The following NECTIN1 variants were observed in gnomAD, a reference collection of about 807,000 sequenced individuals.
NECTIN1 encodes the protein nectin cell adhesion molecule 1, also known as nectin-1.
In NECTIN1, 23 loss-of-function variants were observed where a neutral mutation model predicts 48.0. The ratio of observed to expected loss-of-function variants is 0.48; its 90% CI spans 0.34 to 0.68. NECTIN1 has a LOEUF of 0.68. Among genes scored for constraint, NECTIN1 ranks in the 30% least tolerant of loss-of-function variants. The probability of loss-of-function intolerance (pLI) is 0.01; values close to 1 mark genes in which losing one functional copy is unlikely to be tolerated. For synonymous variants in NECTIN1, 270 were observed against 288.9 expected, an observed-to-expected ratio of 0.93 and a Z score of 0.66; for missense variants, 591 against 709.9, an observed-to-expected ratio of 0.83 and a Z score of 1.90.
intron 5 of NECTIN1, among the ~76,000 whole-genome samples, chr11:119,647,865 C>T (rs1343517761): frequency 6.6e-6 from 1 of 151,880 alleles, no homozygotes; most frequent in Non-Finnish European, 1.5e-5. Context: ...GAGTCTGAGA[C>T]CAGCCTGGCC....
intron 1 of NECTIN1, among the ~76,000 whole-genome samples, chr11:119,724,976 C>T (rs1434178044): frequency 6.6e-6 from 1 of 152,174 alleles, no homozygotes; most frequent in Non-Finnish European, 1.5e-5. Context: ...TGACACCTCT[C>T]TGTCTGTCCC....
In NECTIN1 at chr11:119,729,052, C is replaced by A; in HGVS notation, c.-499G>T. 1 of 150,192 alleles carries A rather than the reference C, an allele frequency of 6.7e-6. No individual in the cohort carries two copies. The highest frequency in any genetic ancestry group is 1.8e-4 in the South Asian group (1 of 5,578). The allele number at this position is 150,192 out of a possible 1,614,324, so 9.3% of individuals were successfully genotyped here. On this transcript the variant is annotated 5_prime_UTR_variant, in exon 1 of 6. Transcript: ENST00000264025. ...GGGCCCAGGCGGCGGGCGCGGGGCT[C>A]GGCGGTCGGCGGCCCGGGTGGCTCT...
In NECTIN1 at chr11:119,665,282, G is replaced by C; in HGVS notation, c.1019C>G (p.Pro340Arg). The change falls in exon 6 of 6, where the codon CCG (proline) becomes CGG (arginine). Residue 340 changes from proline to arginine, a missense_variant. Coordinates refer to ENST00000264025, the MANE Select transcript of NECTIN1 (RefSeq NM_002855.5). This position sits in a 1 kb window ranked among gnomAD's most constrained non-coding sequence, Gnocchi z 5.1. ...GCGCCGCCCATGTTCGGGAGGAGAC[G>C]GGGTGTAGGGGAATTCTGGGTGAGG... ...EVNITEFPYT[P>R]SPPEHGRRAG... The C allele has an allele frequency of 2.5e-6, 4 of 1,590,552 alleles. No homozygotes were observed. The highest frequency in any genetic ancestry group is 2.2e-5 in the South Asian group (2 of 90,096).
In NECTIN1 at chr11:119,663,787, G is replaced by A. The variant is rs1485437668; in HGVS notation, c.*960C>T. The A allele has an allele frequency of 1.0e-5, 10 of 985,388 alleles. No individual in the cohort carries two copies. Among genetic ancestry groups the A allele is most frequent in the Non-Finnish European group, 1.2e-5 (10 of 830,000 alleles). The allele number at this position is 985,388 out of a possible 1,614,324, so 61.0% of individuals were successfully genotyped here. A position where few individuals can be genotyped will look rare whatever the true frequency, so the allele number is the denominator to read the frequency against. The stretch of plus-strand genomic sequence containing the variant: ...CCTGAGATCCTAGGGTGGAGGCACC[G>A]GGGACCCAGTCTCAGCTGTCTCTGG... On this transcript the variant is annotated 3_prime_UTR_variant, in exon 6 of 6. Transcript: ENST00000264025.
chr11:119,639,956 C>T (rs761121601), exon 6 of NECTIN1: 5 of 1,613,966 alleles, frequency 3.1e-6, no homozygotes, highest in South Asian at 1.1e-5. Flanking sequence ...AACACGGCCA[C>T]GGTGCCCGCC....
chr11:119,718,853 G>T (rs1390706511), intron 1 of NECTIN1, among the ~76,000 whole-genome samples: 1 of 152,190 alleles, frequency 6.6e-6, no homozygotes, highest in Admixed American at 6.5e-5. Flanking sequence ...TATCCCTAAT[G>T]CTTGAGACCC....
intron 5 of NECTIN1, among the ~76,000 whole-genome samples, chr11:119,643,544 C>T (rs1461192715): frequency 6.6e-6 from 1 of 152,216 alleles, no homozygotes; most frequent in Non-Finnish European, 1.5e-5. Flanking sequence ...CATGGGCCTG[C>T]CATCCCCCTT....
chr11:119,639,804 T>A (rs889132874), intron 6 of NECTIN1: 12 of 1,610,950 alleles, frequency 7.4e-6, no homozygotes, highest in Non-Finnish European at 1.0e-5. Context: ...AGTCTGGGGC[T>A]CCCAGGGTGC....
chr11:119,654,270 TCCATCCATCCATCCATCCATCCATCCAA>T (rs1864535561), intron 5 of NECTIN1: 1 of 151,856 alleles, frequency 6.6e-6, no homozygotes, highest in Admixed American at 6.6e-5. Flanking sequence ...CATCCATCCA[TCCATCCATCCATCCATCCATCCATCCAA>T]CCATCCAACC....
intron 1 of NECTIN1, among the ~76,000 whole-genome samples, chr11:119,703,099 C>T (rs1265157930): frequency 2.6e-5 from 4 of 152,242 alleles, no homozygotes; most frequent in Non-Finnish European, 5.9e-5. Flanking sequence ...TGATGCCCAG[C>T]ACTTCCCAGG....
Position 119,696,392 on chromosome 11 carries a change from T to C in NECTIN1, c.80-17627A>G, listed in dbSNP as rs540618434. Among the ~76,000 whole-genome samples, 223 of 150,802 alleles carry C rather than the reference T, an allele frequency of 1.5e-3. 1 individual carries two copies. The highest frequency in any genetic ancestry group is 5.3e-3 in the African/African-American group (216 of 40,902). On this transcript the variant is annotated intron_variant, in intron 1 of 5. Coordinates refer to ENST00000264025, the MANE Select transcript of NECTIN1 (RefSeq NM_002855.5). ...AAGAGCAGAGTGGGCCTCTTGTCAG[T>C]GCAATCAGGAGGTGTTCTGGAGTTC...
At chr11:119,685,414 G>A (rs1012968861) in intron 1 of NECTIN1, among the ~76,000 whole-genome samples, 5 of 152,344 alleles carry the variant, frequency 3.3e-5, no homozygotes, top group African/African-American at 1.2e-4. Context: ...GAAGGAGGCA[G>A]CGCAGGAGCC....
At chr11:119,650,175 G>T (rs1335992816) in intron 5 of NECTIN1, among the ~76,000 whole-genome samples, 1 of 152,144 alleles carries the variant, frequency 6.6e-6, no homozygotes, top group African/African-American at 2.4e-5. Context: ...CATCAGTTAA[G>T]GCAGGAACGG....
Position 119,663,653 on chromosome 11 carries a change from G to C in NECTIN1, c.*1094C>G, listed in dbSNP as rs559112306. ...TGCTTCTTTACCTCTGACTCCTGCA[G>C]GTGGATCCCCCTGGGATCCCAGCCC... On this transcript the variant is annotated 3_prime_UTR_variant, in exon 6 of 6. Transcript: ENST00000264025. 71 of 985,590 alleles carry C rather than the reference G, an allele frequency of 7.2e-5. No individual in the cohort carries two copies. The South Asian group carries it at 3.0e-3, about 41-fold the overall frequency. 61.1% of individuals were successfully genotyped at this position (985,590 alleles called of 1,614,324 possible).
intron 5 of NECTIN1, among the ~76,000 whole-genome samples, chr11:119,670,858 C>G (rs1467223232): frequency 6.6e-6 from 1 of 151,874 alleles, no homozygotes; most frequent in African/African-American, 2.4e-5. Context: ...AGGCTGGTCT[C>G]GAACTCCTGA....
chr11:119,665,023 C>T lies in NECTIN1; in HGVS notation c.1278G>A (p.Lys426=). 1.2e-6 allele frequency: 2 copies of T among 1,613,894 alleles called. No homozygotes were observed. Among genetic ancestry groups the T allele is most frequent in the Non-Finnish European group, 1.7e-6 (2 of 1,179,912 alleles). The change falls in exon 6 of 6, where the codon AAG becomes AAA. Residue 426 remains lysine, a synonymous_variant. Transcript: ENST00000264025. The surrounding 1 kb of genome is among the most constrained non-coding windows in gnomAD (Gnocchi z 5.1). Reference sequence around the variant, plus strand: ...TGCTTCCACCCAGTGGGCCGGCCTTCTTCTCGTCGTCTGAGTCGTCGGGGT... The same window carrying T: ...TGCTTCCACCCAGTGGGCCGGCCTTTTTCTCGTCGTCTGAGTCGTCGGGGT... ...LQYPDDSDDE[K]KAGPLGGSSY...
At chr11:119,697,548 T>C (rs1048895644) in intron 1 of NECTIN1, among the ~76,000 whole-genome samples, 1 of 152,226 alleles carries the variant, frequency 6.6e-6, no homozygotes, top group Non-Finnish European at 1.5e-5. Context: ...TCCACCACTA[T>C]TGGCTGAATA....
intron 1 of NECTIN1, among the ~76,000 whole-genome samples, chr11:119,720,098 C>T (rs976270031): frequency 1.6e-4 from 25 of 152,156 alleles, no homozygotes; most frequent in Admixed American, 1.6e-3. Context: ...GGTGGATTCA[C>T]CCAAGGAGCA....
intron 1 of NECTIN1, among the ~76,000 whole-genome samples, chr11:119,724,499 G>A (rs11217430): frequency 0.38 from 57,400 of 151,982 alleles, 11,261 homozygotes; most frequent in South Asian, 0.56. Flanking sequence ...CCGGTAGTGT[G>A]TCCTAGAAGA....
Sources: gnomAD v4.1 joint callset for allele counts (sites outside exome capture counted in the v4.1 genomes callset) on GRCh38, gnomAD v4.1.1 for gene constraint, Gnocchi (gnomAD v3.1) non-coding constraint, MANE v1.5 for transcripts, NCBI Gene and HGNC (gene_info 2026-07-23, HGNC 2026-07-21) for gene names.